Variants in SUPT5H observed in about 807,000 individuals in gnomAD.
The protein encoded by SUPT5H is transcription elongation factor SPT5.
A neutral mutation model predicts 142.5 loss-of-function variants in SUPT5H; 24 were observed. The observed-to-expected ratio is 0.17, with a 90% confidence interval of 0.12 to 0.24. The LOEUF (loss-of-function observed/expected upper bound fraction) is 0.24, where lower values mean the gene tolerates loss of function less well. Among genes scored for constraint, SUPT5H ranks in the 10% least tolerant of loss-of-function variants. SUPT5H has a pLI of 1.00. For synonymous variants in SUPT5H, 546 were observed against 553.0 expected (o/e 0.99, Z 0.18); for missense variants, 893 against 1,471.8 (o/e 0.61, Z 6.43).
At chr19:39,476,051 C>T (rs769004489) in intron 28 of SUPT5H, 30 bp from the exon 29 acceptor site, 40 of 1,603,072 alleles carry the variant, frequency 2.5e-5, no homozygotes, top group Admixed American at 3.3e-5. Flanking sequence ...GGGAGCAGGA[C>T]AGGCTGACCA....
Position 39,470,326 on chromosome 19 carries a change from G to A in SUPT5H, c.1531-51G>A. 6.5e-7 allele frequency: 1 copy of A among 1,542,802 alleles called. No individual in the cohort carries two copies. Among genetic ancestry groups the A allele is most frequent in the South Asian group, 1.2e-5 (1 of 80,926 alleles). Reference sequence around the variant, plus strand: ...GGTGCACGTGCCAAGAGGAGACCCAGGTAGGCGAGCCACCTGGACTGGGCC... The same window carrying A: ...GGTGCACGTGCCAAGAGGAGACCCAAGTAGGCGAGCCACCTGGACTGGGCC... On this transcript the variant is annotated intron_variant, in intron 17 of 29. Coordinates refer to ENST00000432763, the MANE Select transcript of SUPT5H (RefSeq NM_001111020.3). The surrounding 1 kb of genome is among the most constrained non-coding windows in gnomAD (Gnocchi z 5.8).
In SUPT5H at chr19:39,469,116, A is replaced by G. The variant is rs2079282678; in HGVS notation, c.1181A>G (p.Glu394Gly). 4 of 1,614,056 alleles carry G rather than the reference A, an allele frequency of 2.5e-6. No individual in the cohort carries two copies. The highest frequency in any genetic ancestry group is 1.1e-5 in the South Asian group (1 of 91,086). Residue 394 changes from glutamate (E) to glycine (G), a missense_variant, in exon 15 of 30, where the codon GAA (glutamate) becomes GGA (glycine). By Grantham distance (98) the Glu-to-Gly change is moderately conservative. Coordinates refer to ENST00000432763, the MANE Select transcript of SUPT5H (RefSeq NM_001111020.3). This position sits in a 1 kb window ranked among gnomAD's most constrained non-coding sequence, Gnocchi z 5.1. ...EGVKPTLSEL[E>G]KFEDQPEGID... is the part of the protein sequence containing the mutation. ...GTGAAGCCAACACTCTCTGAGCTGG[A>G]AAAGTTTGAGGACCAGCCAGAGGGC...
chr19:39,469,244 C>T lies in SUPT5H; in HGVS notation c.1238-18C>T. 6.2e-7 allele frequency: 1 copy of T among 1,614,220 alleles called. No individual in the cohort carries two copies. Among genetic ancestry groups the T allele is most frequent in the Non-Finnish European group, 8.5e-7 (1 of 1,180,028 alleles). On this transcript the variant is annotated intron_variant, in intron 15 of 29. Transcript: ENST00000432763. The surrounding 1 kb of genome is among the most constrained non-coding windows in gnomAD (Gnocchi z 5.1). ...CATGGTGGCAACCCCCGAGTCAGCC[C>T]TACGACTGCCCCTGCAGGGAAGGAG...
At chr19:39,446,877 C>T (rs575401260) in intron 2 of SUPT5H, among the ~76,000 whole-genome samples, 1 of 152,262 alleles carries the variant, frequency 6.6e-6, no homozygotes, top group South Asian at 2.1e-4. Flanking sequence ...GGCATGGTGG[C>T]GCCCACCTGT....
Position 39,445,973 on chromosome 19 carries a change from G to T in SUPT5H, c.75+8G>T. Reference sequence around the variant, plus strand: ...GACGGCGAGGAGGCCGAGGTCTGTGGCTGGGGCGCTGGGGGAGACATTGCG... The same window carrying T: ...GACGGCGAGGAGGCCGAGGTCTGTGTCTGGGGCGCTGGGGGAGACATTGCG... On this transcript the variant is annotated splice_region_variant and intron_variant, in intron 2 of 29. Coordinates refer to ENST00000432763, the MANE Select transcript of SUPT5H (RefSeq NM_001111020.3). 1 of 1,610,076 alleles carries T rather than the reference G, an allele frequency of 6.2e-7. No individual in the cohort carries two copies. Among genetic ancestry groups the T allele is most frequent in the East Asian group, 2.2e-5 (1 of 44,832 alleles).
chr19:39,460,237 G>C (rs148403144), intron 10 of SUPT5H: 1 of 443,070 alleles, frequency 2.3e-6, no homozygotes, highest in Non-Finnish European at 4.1e-6. Flanking sequence ...TTCTTCATGA[G>C]AGTGGGTTTG....
chr19:39,466,225 C>T lies in SUPT5H; in HGVS notation c.877-255C>T, dbSNP rs367608665. On this transcript the variant is annotated intron_variant, in intron 11 of 29. Transcript: ENST00000432763. This position sits in a 1 kb window ranked among gnomAD's most constrained non-coding sequence, Gnocchi z 4.3. ...GAGGCGGCAGGTTTGGGGGAATCAG[C>T]GGTTTGGCTGCGGTCGTCCTGGATT... 1.3e-5 allele frequency among the ~76,000 whole-genome samples: 2 copies of T among 152,162 alleles called. No individual in the cohort carries two copies. The highest frequency in any genetic ancestry group is 1.9e-4 in the East Asian group (1 of 5,184).
At chr19:39,456,997 AT>A (rs921481349) in intron 3 of SUPT5H, among the ~76,000 whole-genome samples, 11 of 152,236 alleles carry the variant, frequency 7.2e-5, no homozygotes, top group African/African-American at 2.7e-4. Flanking sequence ...CTCTATGGAC[AT>A]TGGAGTTTTT....
intron 3 of SUPT5H, among the ~76,000 whole-genome samples, chr19:39,455,136 TG>T (rs1453863515): frequency 6.6e-6 from 1 of 152,226 alleles, no homozygotes; most frequent in Non-Finnish European, 1.5e-5. Flanking sequence ...GTGACCTAAA[TG>T]TTTATTGATG....
intron 2 of SUPT5H, among the ~76,000 whole-genome samples, chr19:39,447,634 G>A (rs1221557930): frequency 6.6e-6 from 1 of 152,008 alleles, no homozygotes; most frequent in Non-Finnish European, 1.5e-5. Context: ...GGCCAGGCTG[G>A]TCTTGAACTC....
chr19:39,464,517 ACCC>A (rs1461574965), intron 10 of SUPT5H, among the ~76,000 whole-genome samples: 1 of 152,080 alleles, frequency 6.6e-6, no homozygotes, highest in Admixed American at 6.5e-5. Flanking sequence ...GTGCCATCAC[ACCC>A]AGCTAGTTTT....
chr19:39,457,058 G>A (rs1476122524), intron 3 of SUPT5H, among the ~76,000 whole-genome samples: 1 of 152,210 alleles, frequency 6.6e-6, no homozygotes, highest in African/African-American at 2.4e-5. Context: ...TACCTGCAAA[G>A]CAGTACATCC....
chr19:39,460,151 T>C (rs1449626870), intron 10 of SUPT5H, 191 bp downstream of exon 10: 1 of 607,070 alleles, frequency 1.6e-6, no homozygotes, highest in Non-Finnish European at 2.9e-6. Flanking sequence ...ATGTTGTCTT[T>C]GTTCTCTGCA....
chr19:39,454,187 T>G (rs1330697089), intron 3 of SUPT5H, among the ~76,000 whole-genome samples: 2 of 152,208 alleles, frequency 1.3e-5, no homozygotes, highest in Non-Finnish European at 2.9e-5. Flanking sequence ...TTGTTGCCAT[T>G]GTATGTAATT....
At chr19:39,457,447 A>G in intron 3 of SUPT5H, among the ~76,000 whole-genome samples, 1 of 152,156 alleles carries the variant, frequency 6.6e-6, no homozygotes, top group South Asian at 2.1e-4. Context: ...TGGAGTAAGG[A>G]GAGGGGATGA....
At chr19:39,455,918 G>A (rs1393875434) in intron 3 of SUPT5H, among the ~76,000 whole-genome samples, 1 of 130,034 alleles carries the variant, frequency 7.7e-6, no homozygotes, top group African/African-American at 3.0e-5. Context: ...ACTGCGCCCC[G>A]CCTCTTCTTT....
intron 3 of SUPT5H, among the ~76,000 whole-genome samples, chr19:39,455,576 G>C (rs1223836315): frequency 2.0e-5 from 3 of 151,674 alleles, no homozygotes; most frequent in African/African-American, 7.3e-5. Context: ...AATTACATGG[G>C]GGGAACATAG....
At chr19:39,471,545 T>TGAAAGA in intron 19 of SUPT5H, 42 bp downstream of exon 19, 1 of 1,613,720 alleles carries the variant, frequency 6.2e-7, no homozygotes, top group African/African-American at 1.3e-5. Context: ...CTGAAAGAAT[T>TGAAAGA]TGGTTGGTTG....
intron 13 of SUPT5H, chr19:39,467,028 G>A (rs1202620156): frequency 1.4e-5 from 5 of 348,254 alleles, no homozygotes; most frequent in Non-Finnish European, 2.1e-5. Flanking sequence ...GCAACATAAT[G>A]AGATCCCATC....
Sources: gnomAD v4.1 joint callset for allele counts (sites outside exome capture counted in the v4.1 genomes callset) on GRCh38, gnomAD v4.1.1 for gene constraint, Gnocchi (gnomAD v3.1) non-coding constraint, MANE v1.5 for transcripts, NCBI Gene and HGNC (gene_info 2026-07-23, HGNC 2026-07-21) for gene names.